The following PDE4DIP variants were observed in gnomAD, a reference collection of about 807,000 sequenced individuals.
PDE4DIP encodes the protein myomegalin.
In PDE4DIP, 59 loss-of-function variants were observed where a neutral mutation model predicts 221.4. The ratio of observed to expected loss-of-function variants is 0.27; its 90% confidence interval spans 0.22 to 0.33. The LOEUF (loss-of-function observed/expected upper bound fraction) is 0.33, where lower values mean the gene tolerates loss of function less well. PDE4DIP is among the 10% of genes least tolerant of loss of function. The pLI is 1.00. For missense variants in PDE4DIP, 1,036 were observed against 2,154.2 expected, an observed-to-expected ratio of 0.48 and a Z score of 10.28; for synonymous variants, 404 against 815.9, an observed-to-expected ratio of 0.50 and a Z score of 8.60.
In PDE4DIP at chr1:149,030,269, T is replaced by C. The variant is rs781834909; in HGVS notation, c.6990T>C (p.Thr2330=). The C allele has an allele frequency of 2.3e-5, 35 of 1,519,960 alleles. No homozygotes were observed. The African/African-American group carries it at 3.0e-4, about 13-fold the overall frequency. 94.2% of individuals were successfully genotyped at this position (1,519,960 alleles called of 1,614,324 possible). ...ATGATGTTTTAAAGAAGGCAAGGAC[T>C]AACTTAGAGGTAAGGAAACTACTGC... is the stretch of plus-strand genomic sequence containing the variant. The change falls in exon 43 of 44, where the codon ACT becomes ACC. Residue 2330 remains threonine (T), a synonymous_variant. Transcript: ENST00000369354.
intron 37 of PDE4DIP, 139 bp from the exon 41 acceptor site, chr1:149,024,306 G>A: frequency 1.3e-6 from 1 of 790,014 alleles, no homozygotes; most frequent in Non-Finnish European, 2.0e-6. Flanking sequence ...CACAGAAATG[G>A]TGACATCTCC....
At chr1:148,863,460 T>C (rs1572132078) in intron 2 of PDE4DIP, among the ~76,000 whole-genome samples, 155 bp downstream of exon 2, 1 of 93,734 alleles carries the variant, frequency 1.1e-5, no homozygotes, top group South Asian at 3.9e-4. Context: ...GGGGTCAAGC[T>C]ATCCTTTCAC....
rs1309360489 is a variant in PDE4DIP at position 149,021,451 on chromosome 1, C to T, written c.6085+298C>T. On this transcript the variant is annotated intron_variant, in intron 37 of 43. Transcript: ENST00000369354. ...AGCAAAAGAACTGTCCTAATGATAT[C>T]ATCATTTGAAAAGGCCTTTAATATT... 1.6e-3 allele frequency: 458 copies of T among 283,020 alleles called. 1 individual carries two copies. The highest frequency in any genetic ancestry group is 4.9e-3 in the Admixed American group (105 of 21,564). The allele number at this position is 283,020 out of a possible 1,614,324, so 17.5% of individuals were successfully genotyped here. A position where few individuals can be genotyped will look rare whatever the true frequency, so the allele number is the denominator to read the frequency against.
chr1:149,028,738 A>G (rs1553632943), intron 41 of PDE4DIP, 35 bp downstream of exon 44: 5 of 1,298,604 alleles, frequency 3.9e-6, no homozygotes, highest in Non-Finnish European at 5.5e-6. Context: ...GTTCAAACCC[A>G]GTTCTCCTGC....
exon 14 of PDE4DIP, chr1:148,968,912 A>G (rs782269942): frequency 1.9e-6 from 3 of 1,613,852 alleles, no homozygotes; most frequent in East Asian, 2.2e-5. Context: ...CAGCGTCTAC[A>G]GCGAAAGGAA....
intron 34 of PDE4DIP, among the ~76,000 whole-genome samples, 187 bp downstream of exon 37, chr1:149,018,066 G>A (rs1414490344): frequency 4.6e-5 from 7 of 152,260 alleles, no homozygotes; most frequent in East Asian, 1.9e-4. Context: ...GCAGAACTAC[G>A]TCTGATGCCC....
intron 43 of PDE4DIP, 171 bp downstream of exon 46, chr1:149,030,449 C>G (rs1183449564): frequency 9.1e-6 from 9 of 985,042 alleles, no homozygotes; most frequent in African/African-American, 5.2e-5. Flanking sequence ...GTTTCTGTCC[C>G]CATCACCCTC....
chr1:149,025,708 A>T (rs1553626709), intron 38 of PDE4DIP: 2 of 147,252 alleles, frequency 1.4e-5, no homozygotes, highest in African/African-American at 5.1e-5. Context: ...AGTTTCTCTA[A>T]AGCTGAGCTT....
intron 1 of PDE4DIP, among the ~76,000 whole-genome samples, chr1:148,917,106 G>A (rs1201288849): frequency 5.5e-4 from 82 of 149,386 alleles, no homozygotes; most frequent in Non-Finnish European, 1.0e-3. Flanking sequence ...GAATGTCCTG[G>A]GGAGGGGAGA....
intron 14 of PDE4DIP, among the ~76,000 whole-genome samples, chr1:148,971,316 C>G (rs2059164044): frequency 4.0e-5 from 6 of 150,436 alleles, no homozygotes; most frequent in Admixed American, 2.0e-4. Flanking sequence ...CTTTAGGAAA[C>G]TTACATTCCA....
rs1553403063 is a variant in PDE4DIP at position 148,863,235 on chromosome 1, T to C, written c.234-15T>C. 4.9e-6 allele frequency: 2 copies of C among 406,106 alleles called. No homozygotes were observed. The highest frequency in any genetic ancestry group is 6.6e-4 in the Middle Eastern group (2 of 3,032). The allele number at this position is 406,106 out of a possible 1,614,324, so 25.2% of individuals were successfully genotyped here. On this transcript the variant is annotated splice_polypyrimidine_tract_variant and intron_variant, in intron 1 of 45. Coordinates refer to the PDE4DIP transcript ENST00000524974. Reference sequence around the variant, plus strand: ...GGTAGTATCTCATTAATTAATGATGTGTTTGCCTCCACAGAGATTATTTTG... The same window carrying C: ...GGTAGTATCTCATTAATTAATGATGCGTTTGCCTCCACAGAGATTATTTTG...
chr1:148,996,519 G>T (rs1173795624), intron 22 of PDE4DIP, among the ~76,000 whole-genome samples: 4 of 152,128 alleles, frequency 2.6e-5, no homozygotes, highest in African/African-American at 4.8e-5. Context: ...GGCTCACAAA[G>T]TCCAAGTAAG....
intron 5 of PDE4DIP, among the ~76,000 whole-genome samples, chr1:148,959,887 AC>A (rs1367473466): frequency 1.3e-5 from 2 of 151,242 alleles, no homozygotes; most frequent in African/African-American, 4.8e-5. Flanking sequence ...TTTCAAACGT[AC>A]AGAGATGTTA....
chr1:148,999,263 T>A (rs1161110679), intron 23 of PDE4DIP: 2 of 151,432 alleles, frequency 1.3e-5, no homozygotes, highest in Non-Finnish European at 2.9e-5. Flanking sequence ...ATCCATTTAT[T>A]CATTCACTCC....
At position 148,952,205 on chromosome 1, in the gene PDE4DIP, C is replaced by G. The variant is rs1290710889; in HGVS notation, c.637-8449C>G. The G allele has an allele frequency of 2.9e-6, 3 of 1,035,682 alleles. No homozygotes were observed. In the African/African-American group the frequency reaches 5.0e-5, roughly 17 times the overall value. The allele number at this position is 1,035,682 out of a possible 1,614,324, so 64.2% of individuals were successfully genotyped here. A position where few individuals can be genotyped will look rare whatever the true frequency, so the allele number is the denominator to read the frequency against. ...CTGGCTGTGGCCCGCGCCAGTAGTG[C>G]TTTCTGCTCCGCACTCGCCGTGAGC... On this transcript the variant is annotated intron_variant, in intron 5 of 43. Transcript: ENST00000369354.
At chr1:148,893,107 ATTT>A (rs11287659) in intron 1 of PDE4DIP, among the ~76,000 whole-genome samples, 15 of 58,270 alleles carry the variant, frequency 2.6e-4, no homozygotes, top group Admixed American at 7.0e-4. Context: ...GTGTGTATGT[ATTT>A]TTTTTTTTTT....
chr1:148,948,648 CAT>C (rs1333721810), intron 5 of PDE4DIP, among the ~76,000 whole-genome samples: 79 of 151,132 alleles, frequency 5.2e-4, no homozygotes, highest in African/African-American at 1.9e-3. Flanking sequence ...GAGGGAAACA[CAT>C]AGTTTTATTT....
chr1:148,960,919 C>A, intron 6 of PDE4DIP, 134 bp downstream of exon 9: 1 of 617,366 alleles, frequency 1.6e-6, no homozygotes, highest in African/African-American at 1.8e-5. Context: ...GGGAATATTT[C>A]ATGTAAAAGT....
rs2489124 is a variant in PDE4DIP, at chr1:148,892,118, T to C, written c.141+2224T>C. 2.4e-3 allele frequency among the ~76,000 whole-genome samples: 284 copies of C among 118,452 alleles called. 51 individuals are homozygous for C. The highest frequency in any genetic ancestry group is 0.013 in the East Asian group (25 of 1,954). 77.7% of individuals were successfully genotyped at this position (118,452 alleles called of 152,430 possible). A position where few individuals can be genotyped will look rare whatever the true frequency, so the allele number is the denominator to read the frequency against. Reference sequence around the variant, plus strand: ...CGCCTCCTGGGTTCAAGCGATTCTCTGGAGTAGCTGGGACTACAGACCCCT... The same window carrying C: ...CGCCTCCTGGGTTCAAGCGATTCTCCGGAGTAGCTGGGACTACAGACCCCT... On this transcript the variant is annotated intron_variant, in intron 1 of 43. Coordinates refer to ENST00000369354, the Ensembl canonical transcript of PDE4DIP.
Sources: allele counts gnomAD v4.1 joint callset (sites outside exome capture counted in the v4.1 genomes callset), GRCh38; gene constraint gnomAD v4.1.1; transcripts MANE v1.5; gene names NCBI Gene and HGNC (gene_info 2026-07-23, HGNC 2026-07-21).